Variants in ZMPSTE24 observed in about 807,000 individuals in gnomAD.
ZMPSTE24 encodes the protein CAAX prenyl protease 1 homolog.
A neutral mutation model predicts 56.7 loss-of-function variants in ZMPSTE24; 48 were observed. The ratio of observed to expected loss-of-function variants is 0.85; its 90% CI spans 0.67 to 1.08. The LOEUF is 1.08. Among genes scored for constraint, ZMPSTE24 ranks in the 50% least tolerant of loss-of-function variants. The pLI, the probability that ZMPSTE24 is intolerant of heterozygous loss-of-function variation, is 0.00. For synonymous variants in ZMPSTE24, 172 were observed against 195.2 expected, an observed-to-expected ratio of 0.88 and a Z score of 0.99; for missense variants, 503 against 548.7, an observed-to-expected ratio of 0.92 and a Z score of 0.83.
intron 1 of ZMPSTE24, chr1:40,259,280 A>G (rs1007626317): frequency 6.6e-6 from 1 of 152,152 alleles, no homozygotes; most frequent in Non-Finnish European, 1.5e-5. Context: ...TTTACCTGAG[A>G]TAACCATGGT....
chr1:40,267,222 A>G (rs533200493), intron 2 of ZMPSTE24, among the ~76,000 whole-genome samples: 4 of 152,170 alleles, frequency 2.6e-5, no homozygotes, highest in Non-Finnish European at 5.9e-5. Context: ...ACAGACAAAA[A>G]TGTTATATTA....
chr1:40,273,530 AAAAAAAAATATATATATATATAT>A (rs1202708918), intron 6 of ZMPSTE24, among the ~76,000 whole-genome samples: 4 of 81,740 alleles, frequency 4.9e-5, no homozygotes, highest in African/African-American at 1.9e-4. Flanking sequence ...AAAAAAAAAA[AAAAAAAAATATATATATATATAT>A]ATATATATAT....
intron 6 of ZMPSTE24, among the ~76,000 whole-genome samples, chr1:40,273,614 G>T (rs1294248406): frequency 6.1e-5 from 8 of 131,072 alleles, no homozygotes; most frequent in African/African-American, 2.3e-4. Context: ...CCAACTAAAG[G>T]CACGATTGGA....
intron 7 of ZMPSTE24, among the ~76,000 whole-genome samples, chr1:40,284,358 A>G (rs913354749): frequency 7.9e-5 from 12 of 152,150 alleles, no homozygotes; most frequent in Middle Eastern, 3.4e-3. Flanking sequence ...TTCTCTTTAT[A>G]TAATTTATTT....
At chr1:40,271,537 G>A (rs1418263870) in intron 5 of ZMPSTE24, among the ~76,000 whole-genome samples, 1 of 152,106 alleles carries the variant, frequency 6.6e-6, no homozygotes, top group Non-Finnish European at 1.5e-5. Flanking sequence ...TACGCTAAAA[G>A]GTAGAACTGC....
chr1:40,270,757 C>A (rs944461015), intron 5 of ZMPSTE24, among the ~76,000 whole-genome samples: 7 of 152,088 alleles, frequency 4.6e-5, no homozygotes, highest in African/African-American at 1.7e-4. Flanking sequence ...TCCCTCACAT[C>A]TCCTATTCCT....
At chr1:40,259,995 C>T (rs1643478984) in intron 1 of ZMPSTE24, among the ~76,000 whole-genome samples, 1 of 150,712 alleles carries the variant, frequency 6.6e-6, no homozygotes, top group Non-Finnish European at 1.5e-5. Flanking sequence ...ATTACATTTC[C>T]TGGACTGAAA....
chr1:40,281,654 G>T lies in ZMPSTE24; in HGVS notation c.954+127G>T, dbSNP rs1038201770. 4 of 987,744 alleles carry T rather than the reference G, an allele frequency of 4.0e-6. No individual in the cohort carries two copies. In the African/African-American group the frequency reaches 6.5e-5, roughly 16 times the overall value. The allele number at this position is 987,744 out of a possible 1,614,324, so 61.2% of individuals were successfully genotyped here. The stretch of plus-strand genomic sequence containing the variant: ...GGGAGACTATCAGATGAAAACCATG[G>T]CTCCTTTATAGTTCTGGTATTTAGG... On this transcript the variant is annotated intron_variant, in intron 7 of 9. Transcript: ENST00000372759.
At chr1:40,258,843 GAAAAA>G (rs138539529) in intron 1 of ZMPSTE24, among the ~76,000 whole-genome samples, 4 of 151,908 alleles carry the variant, frequency 2.6e-5, no homozygotes, top group African/African-American at 9.7e-5. Context: ...GTTTCTGCTT[GAAAAA>G]ACAAACAAAC....
rs981855971 is a variant in ZMPSTE24, at chr1:40,280,380, G to A, written c.770-963G>A. Among the ~76,000 whole-genome samples the A allele has an allele frequency of 3.3e-5, 5 of 151,770 alleles. No individual in the cohort carries two copies. The East Asian group carries it at 5.8e-4, about 18-fold the overall frequency. On this transcript the variant is annotated intron_variant, in intron 6 of 9. Transcript: ENST00000372759. ...TTGCGAGTTGTCTCTGCTGCTTTAC[G>A]ACCCATTTTGAACTCAAAGAAGAAA...
At chr1:40,290,717 C>T in intron 8 of ZMPSTE24, 137 bp from the exon 9 acceptor site, 1 of 956,874 alleles carries the variant, frequency 1.0e-6, no homozygotes. Flanking sequence ...CCGCCTTGGC[C>T]TCCCAAAGTG....
intron 2 of ZMPSTE24, among the ~76,000 whole-genome samples, chr1:40,264,354 TAAG>T (rs1282553682): frequency 1.3e-5 from 2 of 151,440 alleles, no homozygotes; most frequent in Non-Finnish European, 3.0e-5. Context: ...AAAAATAAAA[TAAG>T]AAGTGTGTGG....
chr1:40,259,823 TC>T (rs910308147), intron 1 of ZMPSTE24, among the ~76,000 whole-genome samples: 2 of 151,878 alleles, frequency 1.3e-5, no homozygotes, highest in Non-Finnish European at 2.9e-5. Flanking sequence ...GGTCTGGAGT[TC>T]CTGGACTCAA....
At chr1:40,289,243 A>C (rs1351050178) in intron 8 of ZMPSTE24, among the ~76,000 whole-genome samples, 3 of 152,188 alleles carry the variant, frequency 2.0e-5, no homozygotes, top group African/African-American at 7.2e-5. Flanking sequence ...GTCCTTGATG[A>C]TGAAGTGCTT....
intron 8 of ZMPSTE24, among the ~76,000 whole-genome samples, chr1:40,289,114 A>G (rs1643814182): frequency 1.3e-5 from 2 of 152,230 alleles, no homozygotes; most frequent in South Asian, 4.1e-4. Context: ...CATATGAGTA[A>G]GGGTTGGTTG....
Position 40,292,980 on chromosome 1 carries a change from T to TA in ZMPSTE24, c.*311_*312insA, listed in dbSNP as rs1387223058. On this transcript the variant is annotated 3_prime_UTR_variant, in exon 10 of 10. Transcript: ENST00000372759. ...TTTGTATACTTATATGGAATCTGCATGTGAGGTGTTTGAGGGCATATGTTT... is the reference window on the plus strand; with the variant it reads ...TTTGTATACTTATATGGAATCTGCATAGTGAGGTGTTTGAGGGCATATGTTT... The TA allele has an allele frequency of 3.3e-6, 1 of 305,852 alleles. No individual in the cohort carries two copies. The highest frequency in any genetic ancestry group is 6.3e-6 in the Non-Finnish European group (1 of 159,334). 18.9% of individuals were successfully genotyped at this position (305,852 alleles called of 1,614,324 possible).
intron 6 of ZMPSTE24, among the ~76,000 whole-genome samples, chr1:40,279,129 AC>A (rs1169008186): frequency 6.6e-6 from 1 of 152,176 alleles, no homozygotes; most frequent in Non-Finnish European, 1.5e-5. Flanking sequence ...CGACAGAGAG[AC>A]CCTGTCTCAA....
rs78715584 is a variant in ZMPSTE24, at chr1:40,267,061, C to T, written c.271-725C>T. ...GGGATTACAGGCATATGCTACCATACCCAGCTGTTTAACCTTTCTAAGTTT... is the reference window on the plus strand; with the variant it reads ...GGGATTACAGGCATATGCTACCATATCCAGCTGTTTAACCTTTCTAAGTTT... On this transcript the variant is annotated intron_variant, in intron 2 of 9. Transcript: ENST00000372759. Among the ~76,000 whole-genome samples, 304 of 152,140 alleles carry T rather than the reference C, an allele frequency of 2.0e-3. 4 individuals carry two copies. Among genetic ancestry groups the T allele is most frequent in the African/African-American group, 7.0e-3 (291 of 41,544 alleles).
At chr1:40,261,021 GGTT>G in intron 2 of ZMPSTE24, 36 bp downstream of exon 2, 10 of 1,612,994 alleles carry the variant, frequency 6.2e-6, no homozygotes, top group Non-Finnish European at 8.5e-6. Flanking sequence ...CAGTCTGTCT[GGTT>G]GTTTTCATTT....
Sources: allele counts gnomAD v4.1 joint callset (sites outside exome capture counted in the v4.1 genomes callset), GRCh38; gene constraint gnomAD v4.1.1; transcripts MANE v1.5; gene names NCBI Gene and HGNC (gene_info 2026-07-23, HGNC 2026-07-21).